The following TMOD1 variants were observed in gnomAD, a reference collection of about 807,000 sequenced individuals.
TMOD1 encodes the protein tropomodulin-1.
In TMOD1, 17 loss-of-function variants were observed where a neutral mutation model predicts 40.6. The observed-to-expected ratio is 0.42, with a 90% CI of 0.29 to 0.63. The LOEUF (loss-of-function observed/expected upper bound fraction) is 0.63, where lower values mean the gene tolerates loss of function less well. TMOD1 is among the 20% of genes least tolerant of loss of function. The pLI is 0.22. For synonymous variants in TMOD1, 181 were observed against 175.0 expected (o/e 1.03, Z -0.27); for missense variants, 391 against 447.6 (o/e 0.87, Z 1.14).
rs1564004277 is a variant in TMOD1 at position 97,600,960 on chromosome 9, TCTC to T, written c.*1263_*1265del. 8.7e-7 allele frequency: 1 copy of T among 1,151,810 alleles called. No individual in the cohort carries two copies. Among genetic ancestry groups the T allele is most frequent in the Non-Finnish European group, 1.1e-6 (1 of 911,130 alleles). 71.3% of individuals were successfully genotyped at this position (1,151,810 alleles called of 1,614,324 possible). On this transcript the variant is annotated 3_prime_UTR_variant, in exon 10 of 10. Transcript: ENST00000259365. ...TATTTTCATTAGTGATTTCAGCAAA[TCTC>T]ATGATAAAGGACAAGGTCAAGAACT...
Position 97,599,838 on chromosome 9 carries a change from T to TTGAC in TMOD1, c.*142_*145dup. ...GTTCTTTATGCACTAAGGTTTTAGG[T>TTGAC]TGACTAGTGGTTGTAGTTGAAAATT... On this transcript the variant is annotated 3_prime_UTR_variant, in exon 10 of 10. Coordinates refer to ENST00000259365, the MANE Select transcript of TMOD1 (RefSeq NM_003275.4). 1 of 1,483,588 alleles carries TTGAC rather than the reference T, an allele frequency of 6.7e-7. No individual in the cohort carries two copies. Among genetic ancestry groups the TTGAC allele is most frequent in the South Asian group, 1.3e-5 (1 of 74,356 alleles). The allele number at this position is 1,483,588 out of a possible 1,614,324, so 91.9% of individuals were successfully genotyped here. A position where few individuals can be genotyped will look rare whatever the true frequency, so the allele number is the denominator to read the frequency against.
intron 1 of TMOD1, among the ~76,000 whole-genome samples, chr9:97,510,356 G>T (rs1254138967): frequency 6.6e-6 from 1 of 151,792 alleles, no homozygotes; most frequent in East Asian, 1.9e-4. Flanking sequence ...TCATCCTCCC[G>T]AGTAGCTGGA....
intron 2 of TMOD1, among the ~76,000 whole-genome samples, chr9:97,524,593 G>A (rs924436102): frequency 6.6e-6 from 1 of 151,266 alleles, no homozygotes; most frequent in Non-Finnish European, 1.5e-5. Flanking sequence ...AGCTTGCAAG[G>A]CTATAGAGAC....
At chr9:97,542,733 G>A (rs780346918) in intron 2 of TMOD1, among the ~76,000 whole-genome samples, 3 of 151,716 alleles carry the variant, frequency 2.0e-5, no homozygotes, top group Non-Finnish European at 2.9e-5. Flanking sequence ...GGCATCTGTA[G>A]TCCCAGCTAC....
At chr9:97,526,875 C>A (rs981011240) in intron 2 of TMOD1, among the ~76,000 whole-genome samples, 5 of 152,156 alleles carry the variant, frequency 3.3e-5, no homozygotes, top group African/African-American at 1.2e-4. Context: ...TGGTCTTATA[C>A]CCAGGTGTGA....
At position 97,524,257 on chromosome 9, in the gene TMOD1, A is replaced by G. The variant is rs1425504805; in HGVS notation, c.69A>G (p.Thr23=). 9.3e-6 allele frequency: 15 copies of G among 1,614,088 alleles called. No homozygotes were observed. Among genetic ancestry groups the G allele is most frequent in the Non-Finnish European group, 1.3e-5 (15 of 1,180,032 alleles). ...LDEDEILGAL[T]EEELRTLENE... ...AAGATGAAATCCTTGGAGCCCTAAC[A>G]GAGGAAGAGCTGAGGACCCTGGAAA... The change falls in exon 2 of 10, where the codon ACA becomes ACG. Residue 23 remains threonine (T), a synonymous_variant. Transcript: ENST00000259365.
At chr9:97,543,230 A>C (rs1006213122) in intron 2 of TMOD1, among the ~76,000 whole-genome samples, 1 of 152,240 alleles carries the variant, frequency 6.6e-6, no homozygotes, top group South Asian at 2.1e-4. Flanking sequence ...ATGGTAATGA[A>C]AATCTGTAGG....
At chr9:97,564,276 G>T (rs1830692870) in intron 6 of TMOD1, 108 bp downstream of exon 6, 3 of 1,406,060 alleles carry the variant, frequency 2.1e-6, no homozygotes, top group Non-Finnish European at 2.9e-6. Context: ...ACAGGGTCCT[G>T]TTTGGATTCT....
At chr9:97,524,775 C>T (rs568954152) in intron 2 of TMOD1, among the ~76,000 whole-genome samples, 46 of 152,220 alleles carry the variant, frequency 3.0e-4, no homozygotes, top group Non-Finnish European at 6.3e-4. Flanking sequence ...TCAAGGCAGT[C>T]AGGCAGGAGG....
At chr9:97,522,714 G>A (rs749602239) in intron 1 of TMOD1, among the ~76,000 whole-genome samples, 11 of 151,810 alleles carry the variant, frequency 7.2e-5, no homozygotes, top group Non-Finnish European at 1.2e-4. Flanking sequence ...GGTGCTGCAC[G>A]ACCACACCCA....
In TMOD1 at chr9:97,586,380, G is replaced by A. The variant is rs536909293; in HGVS notation, c.871-4911G>A. ...TGCCCGTTCTCAGATCTCCAGCTGC[G>A]TGCTGGGAGAACCACTGCTCTCTTC... On this transcript the variant is annotated intron_variant, in intron 8 of 9. Coordinates refer to ENST00000259365, the MANE Select transcript of TMOD1 (RefSeq NM_003275.4). Among the ~76,000 whole-genome samples, 10 of 151,680 alleles carry A rather than the reference G, an allele frequency of 6.6e-5. No individual in the cohort carries two copies. The East Asian group carries it at 2.0e-3, about 30-fold the overall frequency.
At chr9:97,507,148 G>A in intron 1 of TMOD1, among the ~76,000 whole-genome samples, 1 of 152,090 alleles carries the variant, frequency 6.6e-6, no homozygotes, top group East Asian at 1.9e-4. Context: ...AAAATCAAGG[G>A]CTCTTTCTGG....
chr9:97,518,149 A>G (rs1310556317), intron 1 of TMOD1, among the ~76,000 whole-genome samples: 2 of 152,220 alleles, frequency 1.3e-5, no homozygotes, highest in Non-Finnish European at 2.9e-5. Context: ...TGTGTCCCCA[A>G]AAAAGCTGCA....
chr9:97,514,451 T>G (rs1044778929), intron 1 of TMOD1, among the ~76,000 whole-genome samples: 1 of 152,120 alleles, frequency 6.6e-6, no homozygotes, highest in Non-Finnish European at 1.5e-5. Flanking sequence ...TGAATTTATA[T>G]TTTTAAGTGA....
chr9:97,598,157 C>T (rs575986045), intron 9 of TMOD1, among the ~76,000 whole-genome samples: 1 of 152,026 alleles, frequency 6.6e-6, no homozygotes, highest in East Asian at 1.9e-4. Context: ...GGTGAACCCC[C>T]ATCTCTACTA....
chr9:97,598,910 G>C (rs1826181283), intron 9 of TMOD1, among the ~76,000 whole-genome samples: 1 of 152,072 alleles, frequency 6.6e-6, no homozygotes, highest in Non-Finnish European at 1.5e-5. Flanking sequence ...TTCTCTTGTG[G>C]CTCATAGAGC....
chr9:97,550,901 T>G (rs1396981821), intron 3 of TMOD1, among the ~76,000 whole-genome samples: 2 of 151,182 alleles, frequency 1.3e-5, no homozygotes, highest in Non-Finnish European at 2.9e-5. Flanking sequence ...TATTTTTTCT[T>G]TTGTTGCTCG....
chr9:97,522,787 T>A (rs1410436128), intron 1 of TMOD1, among the ~76,000 whole-genome samples: 1 of 152,076 alleles, frequency 6.6e-6, no homozygotes, highest in East Asian at 1.9e-4. Flanking sequence ...GGTCTCAAAC[T>A]CCTGGGCTCA....
intron 3 of TMOD1, among the ~76,000 whole-genome samples, chr9:97,551,014 A>ATTTTTT (rs55700746): frequency 6.7e-5 from 7 of 104,252 alleles, no homozygotes; most frequent in East Asian, 2.4e-4. Context: ...ATATATATAT[A>ATTTTTT]TTTTTTTTTT....
Sources: allele counts gnomAD v4.1 joint callset (sites outside exome capture counted in the v4.1 genomes callset), GRCh38; gene constraint gnomAD v4.1.1; transcripts MANE v1.5; gene names NCBI Gene and HGNC (gene_info 2026-07-23, HGNC 2026-07-21).